ASTN2: variants seen among roughly 807,000 people sequenced by gnomAD.
ASTN2 encodes the protein astrotactin 2, also known as astrotactin-2.
Under a neutral mutation model 139.8 loss-of-function variants are expected in ASTN2, and 54 were observed. That is an observed-to-expected ratio of 0.39 (90% CI 0.31 to 0.48). The LOEUF is 0.48. Ranked by LOEUF, ASTN2 falls within the 20% of genes least tolerant of loss-of-function variation. The pLI is 0.95. For missense variants in ASTN2, 1,565 were observed against 1,725.1 expected, an observed-to-expected ratio of 0.91 and a Z score of 1.64; for synonymous variants, 756 against 719.5, an observed-to-expected ratio of 1.05 and a Z score of -0.81.
chr9:116,455,417 T>C (rs573049377), intron 20 of ASTN2, among the ~76,000 whole-genome samples: 5 of 152,090 alleles, frequency 3.3e-5, no homozygotes, highest in Admixed American at 2.6e-4. Flanking sequence ...AATTGCTAAT[T>C]TTTAAAACCC....
At chr9:117,188,920 C>T (rs760575215) in intron 3 of ASTN2, among the ~76,000 whole-genome samples, 4 of 152,090 alleles carry the variant, frequency 2.6e-5, no homozygotes, top group Non-Finnish European at 4.4e-5. Context: ...GGCAGCACTA[C>T]ATCTACCTGA....
intron 6 of ASTN2, among the ~76,000 whole-genome samples, chr9:117,037,554 T>C (rs1272007179): frequency 6.6e-6 from 1 of 152,234 alleles, no homozygotes; most frequent in East Asian, 1.9e-4. Flanking sequence ...AGATTAATGT[T>C]TGTAGTATTC....
intron 3 of ASTN2, among the ~76,000 whole-genome samples, chr9:117,179,163 C>A (rs185173747): frequency 1.5e-4 from 23 of 152,218 alleles, no homozygotes; most frequent in African/African-American, 5.5e-4. Flanking sequence ...GTGCTGATTA[C>A]AGAGTATGTG....
chr9:116,676,103 A>C (rs1588176495), intron 16 of ASTN2, among the ~76,000 whole-genome samples: 1 of 152,162 alleles, frequency 6.6e-6, no homozygotes, highest in Non-Finnish European at 1.5e-5. Context: ...CTTGACCCCC[A>C]CAGCTATAGC....
chr9:117,317,081 CT>C (rs2097062697), intron 1 of ASTN2, among the ~76,000 whole-genome samples: 1 of 152,130 alleles, frequency 6.6e-6, no homozygotes, highest in African/African-American at 2.4e-5. Flanking sequence ...TTTCCCTCCC[CT>C]ATCTGCTGCC....
intron 11 of ASTN2, among the ~76,000 whole-genome samples, chr9:116,837,616 G>C (rs1032365870): frequency 6.6e-6 from 1 of 152,222 alleles, no homozygotes; most frequent in African/African-American, 2.4e-5. Flanking sequence ...AATGCAAATT[G>C]CTCTGAGTAC....
intron 1 of ASTN2, among the ~76,000 whole-genome samples, chr9:117,319,570 G>A (rs530744529): frequency 6.6e-6 from 1 of 150,954 alleles, no homozygotes; most frequent in Admixed American, 6.6e-5. Context: ...TAGGATTACA[G>A]TCACATGCCA....
chr9:116,621,216 C>T (rs1856129424), intron 17 of ASTN2, among the ~76,000 whole-genome samples: 1 of 152,144 alleles, frequency 6.6e-6, no homozygotes, highest in Admixed American at 6.5e-5. Flanking sequence ...AATTACTTAA[C>T]ACTGCCTTTG....
intron 2 of ASTN2, among the ~76,000 whole-genome samples, chr9:117,273,576 A>G (rs533322313): frequency 1.2e-4 from 18 of 152,344 alleles, no homozygotes; most frequent in Admixed American, 5.2e-4. Context: ...TTACTGATGC[A>G]CAAACAGCAG....
At chr9:116,805,858 C>A in intron 12 of ASTN2, 38 bp from the exon 13 acceptor site, 1 of 1,595,886 alleles carries the variant, frequency 6.3e-7, no homozygotes, top group Non-Finnish European at 8.6e-7. Context: ...AGCTTCACAT[C>A]CTGAATGCCC....
rs555088111 is a variant in ASTN2, at chr9:117,291,655, T to C, written c.443-142A>G. On this transcript the variant is annotated intron_variant, in intron 1 of 22. Coordinates refer to ENST00000313400, the MANE Select transcript of ASTN2 (RefSeq NM_001365068.1). ...CTTTCCTCACATCAAGTCTATGAGA[T>C]AGGGATCATCACTTTCATTTATAGA... 48 of 652,484 alleles carry C rather than the reference T, an allele frequency of 7.4e-5. No individual in the cohort carries two copies. In the African/African-American group the frequency reaches 7.5e-4, roughly 10 times the overall value. The allele number at this position is 652,484 out of a possible 1,614,324, so 40.4% of individuals were successfully genotyped here.
intron 13 of ASTN2, among the ~76,000 whole-genome samples, chr9:116,735,994 C>T (rs1223795943): frequency 6.6e-6 from 1 of 152,206 alleles, no homozygotes; most frequent in Admixed American, 6.5e-5. Context: ...TTATTCTTCA[C>T]CCAACTCTGT....
intron 5 of ASTN2, among the ~76,000 whole-genome samples, chr9:117,053,043 A>T (rs1048448362): frequency 2.6e-5 from 4 of 152,242 alleles, no homozygotes; most frequent in African/African-American, 9.6e-5. Flanking sequence ...AGACATCCAA[A>T]TATAGAAAGA....
intron 3 of ASTN2, among the ~76,000 whole-genome samples, chr9:117,176,513 T>G (rs991567023): frequency 6.6e-6 from 1 of 152,104 alleles, no homozygotes; most frequent in African/African-American, 2.4e-5. Context: ...TATTGCATGA[T>G]AAAAGTAATT....
chr9:116,452,236 T>C (rs1848197211), intron 20 of ASTN2, among the ~76,000 whole-genome samples: 1 of 152,204 alleles, frequency 6.6e-6, no homozygotes, highest in African/African-American at 2.4e-5. Context: ...ATCTTTATTA[T>C]ATATTGGACA....
intron 2 of ASTN2, among the ~76,000 whole-genome samples, chr9:117,285,266 C>T (rs1456492534): frequency 6.7e-6 from 1 of 149,144 alleles, no homozygotes; most frequent in African/African-American, 2.5e-5. Context: ...GAGCTGGTGG[C>T]TGATTTTGTA....
chr9:116,961,399 A>G (rs539903104), intron 10 of ASTN2, among the ~76,000 whole-genome samples: 2 of 152,194 alleles, frequency 1.3e-5, no homozygotes, highest in South Asian at 4.2e-4. Context: ...ACTCTCCGCA[A>G]CCACTATTCT....
chr9:116,726,560 T>C (rs1828629491), intron 15 of ASTN2, among the ~76,000 whole-genome samples: 2 of 152,172 alleles, frequency 1.3e-5, no homozygotes. Context: ...AGAGTCAGCA[T>C]GTATTCTGAG....
chr9:116,737,467 A>ATGTGAATG (rs1828962915), intron 13 of ASTN2, among the ~76,000 whole-genome samples: 1 of 148,154 alleles, frequency 6.7e-6, no homozygotes, highest in African/African-American at 2.5e-5. Context: ...GTGTGTGTGA[A>ATGTGAATG]TGTGTGTGTG....
Sources: allele counts gnomAD v4.1 joint callset (sites outside exome capture counted in the v4.1 genomes callset), GRCh38; gene constraint gnomAD v4.1.1; transcripts MANE v1.5; gene names NCBI Gene and HGNC (gene_info 2026-07-23, HGNC 2026-07-21).